NOTCH3: variants seen among roughly 807,000 people sequenced by gnomAD.
The protein encoded by NOTCH3 is notch receptor 3.
In NOTCH3, 86 loss-of-function variants were observed where a neutral mutation model predicts 213.3. The ratio of observed to expected loss-of-function variants is 0.40; its 90% CI spans 0.34 to 0.48. The LOEUF is 0.48. NOTCH3 is among the 20% of genes least tolerant of loss of function. The pLI is 0.57. For synonymous variants in NOTCH3, 1,354 were observed against 1,355.9 expected, an observed-to-expected ratio of 1.00 and a Z score of 0.03; for missense variants, 2,783 against 3,272.6, an observed-to-expected ratio of 0.85 and a Z score of 3.65.
In NOTCH3 at chr19:15,161,719, G is replaced by A; in HGVS notation, c.5914-5C>T. 6.2e-7 allele frequency: 1 copy of A among 1,612,918 alleles called. No homozygotes were observed. ...CAGGAATAGGGGGGTCTCCTCCTGG[G>A]GGGCCAGAACCCACAGAGGTCAGCG... On this transcript the variant is annotated splice_region_variant and splice_polypyrimidine_tract_variant and intron_variant, in intron 32 of 32. Coordinates refer to ENST00000263388, the MANE Select transcript of NOTCH3 (RefSeq NM_000435.3).
rs1555727412 is a variant in NOTCH3 at position 15,177,921 on chromosome 19, T to TTGC, written c.4004_4006dup (p.Ser1335dup). ...ACAGGGGGCGGCCGCGCAGCTGGCG[T>TTGC]TGCTGGCCCCCGGCGGCGACCCCGG... On this transcript the variant is annotated inframe_insertion, in exon 24 of 33. Coordinates refer to ENST00000263388, the MANE Select transcript of NOTCH3 (RefSeq NM_000435.3). 1.1e-5 allele frequency: 14 copies of TTGC among 1,284,576 alleles called. No homozygotes were observed. Among genetic ancestry groups the TTGC allele is most frequent in the Non-Finnish European group, 1.4e-5 (14 of 1,019,166 alleles). 79.6% of individuals were successfully genotyped at this position (1,284,576 alleles called of 1,614,324 possible).
chr19:15,176,869 G>T (rs977990864), intron 24 of NOTCH3, among the ~76,000 whole-genome samples: 6 of 150,546 alleles, frequency 4.0e-5, no homozygotes, highest in Non-Finnish European at 8.9e-5. Context: ...TCAGGAGTTC[G>T]TGAGCAGCCT....
intron 2 of NOTCH3, among the ~76,000 whole-genome samples, chr19:15,195,252 A>C (rs1227945897): frequency 6.6e-6 from 1 of 152,062 alleles, no homozygotes; most frequent in African/African-American, 2.4e-5. Flanking sequence ...TGGGGTACTG[A>C]CACCACTGTT....
Position 15,177,744 on chromosome 19 carries a change from T to C in NOTCH3, c.4184A>G (p.Lys1395Arg). The change falls in exon 24 of 33, where the codon AAG becomes AGG. Residue 1395 changes from lysine (K) to arginine (R), a missense_variant. Transcript: ENST00000263388. The part of the protein sequence containing the change: ...PRCPRAACQA[K>R]RGDQRCDREC... ...GCGGTCGCAGCGCTGGTCCCCGCGC[T>C]TGGCCTGGCAGGCGGCGCGCGGGCA... is the stretch of plus-strand genomic sequence containing the variant. The C allele has an allele frequency of 6.9e-7, 1 of 1,457,402 alleles. No homozygotes were observed. Among genetic ancestry groups the C allele is most frequent in the South Asian group, 1.4e-5 (1 of 73,852 alleles). 90.3% of individuals were successfully genotyped at this position (1,457,402 alleles called of 1,614,324 possible). A position where few individuals can be genotyped will look rare whatever the true frequency, so the allele number is the denominator to read the frequency against.
At chr19:15,184,253 T>C (rs1344491886) in intron 16 of NOTCH3, 42 bp downstream of exon 16, 1 of 1,594,500 alleles carries the variant, frequency 6.3e-7, no homozygotes. Flanking sequence ...TTAATGACTG[T>C]GTTCCCCAGA....
rs755974834 is a variant in NOTCH3, at chr19:15,170,175, C to G, written c.5115-5G>C. 1.3e-6 allele frequency: 2 copies of G among 1,597,764 alleles called. No homozygotes were observed. Among genetic ancestry groups the G allele is most frequent in the Non-Finnish European group, 1.7e-6 (2 of 1,170,482 alleles). On this transcript the variant is annotated splice_polypyrimidine_tract_variant and splice_region_variant and intron_variant, in intron 27 of 32. Transcript: ENST00000263388. ...CTCTCACCCTTGGCCATGTTCCTGGCGGACAATGGGAAGAGGGGATGTGAG... is the reference window on the plus strand; with the variant it reads ...CTCTCACCCTTGGCCATGTTCCTGGGGGACAATGGGAAGAGGGGATGTGAG...
chr19:15,194,054 C>A (rs1487734756), intron 2 of NOTCH3, among the ~76,000 whole-genome samples: 2 of 152,088 alleles, frequency 1.3e-5, no homozygotes, highest in South Asian at 2.1e-4. Flanking sequence ...TGCACTCCAG[C>A]CTGGGTGACA....
Position 15,160,953 on chromosome 19 carries a change from C to T in NOTCH3, c.6675G>A (p.Gly2225=). 1 of 1,589,020 alleles carries T rather than the reference C, an allele frequency of 6.3e-7. No homozygotes were observed. Among genetic ancestry groups the T allele is most frequent in the East Asian group, 2.3e-5 (1 of 43,782 alleles). Reference sequence around the variant, plus strand: ...GGGCCTTTGGGGGGCTGCTGTGTGCCCCAGCCGCCGGGTACTCCTCGCCAT... The same window carrying T: ...GGGCCTTTGGGGGGCTGCTGTGTGCTCCAGCCGCCGGGTACTCCTCGCCAT... ...PGHGEEYPAA[G]AHSSPPKARF... Residue 2225 remains glycine, a synonymous_variant, in exon 33 of 33, where the codon GGG becomes GGA. Coordinates refer to ENST00000263388, the MANE Select transcript of NOTCH3 (RefSeq NM_000435.3).
chr19:15,180,888 T>C lies in NOTCH3; in HGVS notation c.2995-60A>G, dbSNP rs57538005. 0.025 allele frequency: 40,136 copies of C among 1,598,362 alleles called. 2,916 individuals carry two copies. In the African/African-American group the frequency reaches 0.26, roughly 11 times the overall value. ...GTGGGGGGTAGTCTGGGAGAAACTGTGCCCCGACTTGGCTTCTCCCTCCTA... is the reference window on the plus strand; with the variant it reads ...GTGGGGGGTAGTCTGGGAGAAACTGCGCCCCGACTTGGCTTCTCCCTCCTA... On this transcript the variant is annotated intron_variant, in intron 18 of 32. Coordinates refer to ENST00000263388, the MANE Select transcript of NOTCH3 (RefSeq NM_000435.3).
chr19:15,192,181 C>T lies in NOTCH3; in HGVS notation c.458G>A (p.Arg153His), dbSNP rs755685473. The T allele has an allele frequency of 1.2e-5, 20 of 1,612,516 alleles. No homozygotes were observed. The highest frequency in any genetic ancestry group is 8.0e-5 in the African/African-American group (6 of 75,004). Residue 153 changes from arginine (R) to histidine (H), a missense_variant, in exon 4 of 33, where the codon CGC becomes CAC. By Grantham distance (29) the Arg-to-His change is conservative. Around this residue, in one of 6 missense-constraint regions of NOTCH3, gnomAD observed 708 missense variants for 906.6 expected, o/e 0.78. Coordinates refer to ENST00000263388, the MANE Select transcript of NOTCH3 (RefSeq NM_000435.3). ...LCSCPPGYQG[R>H]SCRSDVDECR... The stretch of plus-strand genomic sequence containing the variant: ...CTCATCCACGTCGCTTCGGCAGCTG[C>T]GGCCCTGGTAGCCAGGTGGGCAGGA...
intron 25 of NOTCH3, 29 bp downstream of exon 25, chr19:15,174,039 C>G (rs1271160742): frequency 6.5e-6 from 10 of 1,529,488 alleles, no homozygotes; most frequent in Non-Finnish European, 8.8e-6. Flanking sequence ...TCCCCAGCCA[C>G]CACGGCTTTT....
intron 2 of NOTCH3, among the ~76,000 whole-genome samples, chr19:15,194,555 G>C (rs2046954829): frequency 6.6e-6 from 1 of 152,152 alleles, no homozygotes; most frequent in Non-Finnish European, 1.5e-5. Context: ...AGAATGATGG[G>C]GTCAAGGAGG....
intron 20 of NOTCH3, 59 bp downstream of exon 20, chr19:15,180,013 C>T: frequency 8.3e-7 from 1 of 1,198,312 alleles, no homozygotes; most frequent in Non-Finnish European, 1.2e-6. Flanking sequence ...GAAATGTGTG[C>T]CCAGACGCAC....
Position 15,159,069 on chromosome 19 carries a change from G to A in NOTCH3, c.*1593C>T, listed in dbSNP as rs1040420058. 2 of 152,104 alleles carry A rather than the reference G, an allele frequency of 1.3e-5. No individual in the cohort carries two copies. The highest frequency in any genetic ancestry group is 2.9e-5 in the Non-Finnish European group (2 of 68,030). 9.4% of individuals were successfully genotyped at this position (152,104 alleles called of 1,614,324 possible). On this transcript the variant is annotated 3_prime_UTR_variant, in exon 33 of 33. Transcript: ENST00000263388. ...AAGTAAAGAAGTATTTATTACATGG[G>A]TCCAAGGTTATCTCCAAAACCCATA...
At chr19:15,171,830 C>G (rs1162663732) in intron 25 of NOTCH3, among the ~76,000 whole-genome samples, 4 of 152,066 alleles carry the variant, frequency 2.6e-5, no homozygotes, top group African/African-American at 9.7e-5. Flanking sequence ...CTGCCACGCC[C>G]AGGTAATTTT....
intron 29 of NOTCH3, 70 bp downstream of exon 29, chr19:15,167,177 CAG>C (rs1190317831): frequency 6.5e-6 from 10 of 1,528,834 alleles, no homozygotes; most frequent in African/African-American, 2.7e-5. Context: ...CCCCAAAACA[CAG>C]AGTCAGAAAT....
Position 15,170,345 on chromosome 19 carries a change from G to C in NOTCH3, c.5100C>G (p.Asp1700Glu), listed in dbSNP as rs776639004. 2 of 1,613,286 alleles carry C rather than the reference G, an allele frequency of 1.2e-6. No homozygotes were observed. The highest frequency in any genetic ancestry group is 1.6e-4 in the Middle Eastern group (1 of 6,062). Residue 1700 changes from aspartate (D) to glutamate (E), a missense_variant, in exon 27 of 33, where the codon GAC becomes GAG. Around this residue, in one of 6 missense-constraint regions of NOTCH3, gnomAD observed 636 missense variants for 801.8 expected, o/e 0.79. Transcript: ENST00000263388. ...AGGGTTCTCACTTCATGCCCAGCGCGTCCTGGCCCACGGGTTCCCGCCGGC... is the reference window on the plus strand; with the variant it reads ...AGGGTTCTCACTTCATGCCCAGCGCCTCCTGGCCCACGGGTTCCCGCCGGC... ...HKGRREPVGQ[D>E]ALGMKNMAKG...
At chr19:15,173,579 A>G (rs1217659501) in intron 25 of NOTCH3, among the ~76,000 whole-genome samples, 1 of 151,582 alleles carries the variant, frequency 6.6e-6, no homozygotes, top group Non-Finnish European at 1.5e-5. Context: ...AGAAGAAGAA[A>G]ATTAGCCCGG....
At position 15,177,716 on chromosome 19, in the gene NOTCH3, C is replaced by G; in HGVS notation, c.4212G>C (p.Glu1404Asp). ...CCCAGCCGCAGCCTGGGCTGTTGCA[C>G]TCGCGGTCGCAGCGCTGGTCCCCGC... ...AKRGDQRCDR[E>D]CNSPGCGWDG... The change falls in exon 24 of 33, where the codon GAG becomes GAC. Residue 1404 changes from glutamate (E) to aspartate (D), a missense_variant. Glu to Asp is a conservative substitution (Grantham distance 45, BLOSUM62 2). This residue lies in a region of NOTCH3 where 133 missense variants were observed against 201.9 expected (regional missense o/e 0.66). Transcript: ENST00000263388. 6.5e-7 allele frequency: 1 copy of G among 1,532,786 alleles called. No individual in the cohort carries two copies. The highest frequency in any genetic ancestry group is 8.7e-7 in the Non-Finnish European group (1 of 1,146,236). 94.9% of individuals were successfully genotyped at this position (1,532,786 alleles called of 1,614,324 possible). A position where few individuals can be genotyped will look rare whatever the true frequency, so the allele number is the denominator to read the frequency against.
Sources: allele counts gnomAD v4.1 joint callset (sites outside exome capture counted in the v4.1 genomes callset), GRCh38; gene constraint gnomAD v4.1.1; regional missense constraint gnomAD v4.1.1; transcripts MANE v1.5; gene names NCBI Gene and HGNC (gene_info 2026-07-23, HGNC 2026-07-21).